The following PIK3R6 variants were observed in gnomAD, a reference collection of about 807,000 sequenced individuals.
The protein encoded by PIK3R6 is phosphoinositide 3-kinase regulatory subunit 6.
In PIK3R6, 91 loss-of-function variants were observed where a neutral mutation model predicts 84.9. That is an observed-to-expected ratio of 1.07 (90% CI 0.90 to 1.28). The LOEUF is 1.28. Ranked by LOEUF, PIK3R6 falls within the 50% of genes most tolerant of loss-of-function variation. The probability of loss-of-function intolerance (pLI) is 0.00; values close to 1 mark genes in which losing one functional copy is unlikely to be tolerated. For synonymous variants in PIK3R6, 416 were observed against 411.4 expected, an observed-to-expected ratio of 1.01 and a Z score of -0.13; for missense variants, 996 against 985.1, an observed-to-expected ratio of 1.01 and a Z score of -0.15.
At chr17:8,816,698 T>A (rs987762000) in intron 18 of PIK3R6, among the ~76,000 whole-genome samples, 2 of 152,156 alleles carry the variant, frequency 1.3e-5, no homozygotes, top group East Asian at 3.8e-4. Context: ...ATTTCACTAA[T>A]TGGTAATAAA....
chr17:8,822,903 G>C, intron 15 of PIK3R6, 93 bp downstream of exon 15: 1 of 1,102,840 alleles, frequency 9.1e-7, no homozygotes, highest in African/African-American at 1.5e-5. Context: ...GAGGGTGTGG[G>C]CGTGCAGGCA....
At chr17:8,851,143 G>A (rs1427017048) in intron 1 of PIK3R6, among the ~76,000 whole-genome samples, 3 of 150,554 alleles carry the variant, frequency 2.0e-5, no homozygotes, top group Non-Finnish European at 3.0e-5. Flanking sequence ...AATGGATCAC[G>A]CACTTCACAC....
In PIK3R6 at chr17:8,839,488, G is replaced by T. The variant is rs1475452712; in HGVS notation, c.97+126C>A. The stretch of plus-strand genomic sequence containing the variant: ...CTCTAGGTATTTCCAGCAGGAAAGG[G>T]GTTTGGTGAGACGACCCTTGCCCCC... On this transcript the variant is annotated intron_variant, in intron 3 of 19. Coordinates refer to ENST00000619866, the MANE Select transcript of PIK3R6 (RefSeq NM_001010855.4). This position sits in a 1 kb window ranked among gnomAD's most constrained non-coding sequence, Gnocchi z 4.2. The T allele has an allele frequency of 4.6e-6, 3 of 654,678 alleles. No homozygotes were observed. The highest frequency in any genetic ancestry group is 5.1e-6 in the Non-Finnish European group (2 of 389,138). 40.6% of individuals were successfully genotyped at this position (654,678 alleles called of 1,614,324 possible). A position where few individuals can be genotyped will look rare whatever the true frequency, so the allele number is the denominator to read the frequency against.
rs2087795212 is a variant in PIK3R6, at chr17:8,823,086, T to A, written c.1627A>T (p.Ile543Phe). ...TCTTGGCTCAGGTCACTGAAAAAGA[T>A]CTGGAGAGAGGAAGGGAGGGTGGCA... Reference protein sequence around the residue: ...PIYFQIYTVKIFFSDLSQDPT... With the variant: ...PIYFQIYTVKFFFSDLSQDPT... Residue 543 changes from isoleucine to phenylalanine, a missense_variant and splice_region_variant, in exon 15 of 20, where the codon ATC becomes TTC. Physicochemically the swap from Ile to Phe is conservative, Grantham distance 21. Coordinates refer to ENST00000619866, the MANE Select transcript of PIK3R6 (RefSeq NM_001010855.4). The A allele has an allele frequency of 6.3e-7, 1 of 1,593,170 alleles. No homozygotes were observed. The highest frequency in any genetic ancestry group is 1.3e-5 in the African/African-American group (1 of 74,348).
At position 8,862,314 on chromosome 17, in the gene PIK3R6, C is replaced by T. The variant is rs1406293317; in HGVS notation, c.-92+5215G>A. Among the ~76,000 whole-genome samples, 1 of 152,132 alleles carries T rather than the reference C, an allele frequency of 6.6e-6. No individual in the cohort carries two copies. The highest frequency in any genetic ancestry group is 2.4e-5 in the African/African-American group (1 of 41,418). ...ATGGAAGGCCCTTGATAAATATGCT[C>T]GAATGAATGAATGTCAGGCACTCAT... On this transcript the variant is annotated intron_variant, in intron 1 of 19. Coordinates refer to ENST00000619866, the MANE Select transcript of PIK3R6 (RefSeq NM_001010855.4). This position sits in a 1 kb window ranked among gnomAD's most constrained non-coding sequence, Gnocchi z 4.3.
intron 1 of PIK3R6, among the ~76,000 whole-genome samples, chr17:8,863,518 C>T (rs2089328790): frequency 6.6e-6 from 1 of 152,044 alleles, no homozygotes; most frequent in African/African-American, 2.4e-5. Context: ...CCTATTTCCC[C>T]CAACCCCCAA....
chr17:8,848,429 TG>T (rs1381049386), intron 2 of PIK3R6, among the ~76,000 whole-genome samples: 5 of 151,490 alleles, frequency 3.3e-5, no homozygotes, highest in Non-Finnish European at 7.3e-5. Context: ...ATTTCATCAT[TG>T]TATGAATATC....
At chr17:8,841,056 C>T (rs1167309642) in intron 2 of PIK3R6, among the ~76,000 whole-genome samples, 1 of 152,072 alleles carries the variant, frequency 6.6e-6, no homozygotes, top group Non-Finnish European at 1.5e-5. Flanking sequence ...CAAGCCTTTG[C>T]CATTATTTTT....
rs752481393 is a variant in PIK3R6, at chr17:8,836,631, A to C, written c.392-15T>G. 3.1e-6 allele frequency: 5 copies of C among 1,613,874 alleles called. No homozygotes were observed. Among genetic ancestry groups the C allele is most frequent in the African/African-American group, 2.7e-5 (2 of 74,996 alleles). On this transcript the variant is annotated splice_polypyrimidine_tract_variant and intron_variant, in intron 6 of 19. Coordinates refer to ENST00000619866, the MANE Select transcript of PIK3R6 (RefSeq NM_001010855.4). The stretch of plus-strand genomic sequence containing the variant: ...GTACAGTGTCCCTGCAAACCAGACC[A>C]CTTTGGCCAAACAGCCCCCAAGTCT...
At chr17:8,866,255 G>C (rs1322662479) in intron 1 of PIK3R6, among the ~76,000 whole-genome samples, 1 of 152,092 alleles carries the variant, frequency 6.6e-6, no homozygotes, top group Non-Finnish European at 1.5e-5. Flanking sequence ...TAAATGGACC[G>C]GGCCAGGCGC....
chr17:8,814,678 A>C lies in PIK3R6; in HGVS notation c.1995+4405T>G, dbSNP rs563325144. On this transcript the variant is annotated intron_variant, in intron 18 of 19. Transcript: ENST00000619866. The stretch of plus-strand genomic sequence containing the variant: ...AAAAAGATGAGAAAATTAGAGCATT[A>C]ATTTAGGAGGTCAAACATCCTACTA... 2.0e-5 allele frequency among the ~76,000 whole-genome samples: 3 copies of C among 152,362 alleles called. No individual in the cohort carries two copies. In the East Asian group the frequency reaches 5.8e-4, roughly 29 times the overall value.
intron 4 of PIK3R6, among the ~76,000 whole-genome samples, chr17:8,838,075 G>A (rs753856081): frequency 4.6e-5 from 7 of 151,910 alleles, no homozygotes; most frequent in Admixed American, 2.0e-4. Flanking sequence ...GTGTGGGAGC[G>A]TGGGGGGGCC....
intron 1 of PIK3R6, among the ~76,000 whole-genome samples, chr17:8,855,714 G>T (rs2089121035): frequency 6.6e-6 from 1 of 152,198 alleles, no homozygotes; most frequent in African/African-American, 2.4e-5. Flanking sequence ...AGGAGGAATT[G>T]GAATTCTCAT....
intron 9 of PIK3R6, among the ~76,000 whole-genome samples, chr17:8,832,031 G>A (rs1238456628): frequency 6.6e-6 from 1 of 152,190 alleles, no homozygotes; most frequent in East Asian, 1.9e-4. Context: ...TATAAACGAT[G>A]TTGACTCATC....
chr17:8,805,146 AG>A (rs1266457509), intron 18 of PIK3R6, among the ~76,000 whole-genome samples: 1 of 152,170 alleles, frequency 6.6e-6, no homozygotes, highest in Non-Finnish European at 1.5e-5. Flanking sequence ...CACTGGGAGG[AG>A]GGTAAGAGCA....
intron 18 of PIK3R6, among the ~76,000 whole-genome samples, chr17:8,804,708 C>G (rs1377275079): frequency 6.6e-6 from 1 of 152,124 alleles, no homozygotes; most frequent in African/African-American, 2.4e-5. Context: ...CCAGAGAGGT[C>G]GCCTCCCATT....
At chr17:8,857,239 A>G (rs1346153572) in intron 1 of PIK3R6, among the ~76,000 whole-genome samples, 1 of 152,190 alleles carries the variant, frequency 6.6e-6, no homozygotes, top group Non-Finnish European at 1.5e-5. Flanking sequence ...TCACTGCAGC[A>G]TGTCCAGCAT....
Position 8,839,527 on chromosome 17 carries a change from G to T in PIK3R6, c.97+87C>A. The T allele has an allele frequency of 1.9e-6, 2 of 1,079,122 alleles. No homozygotes were observed. The highest frequency in any genetic ancestry group is 2.7e-6 in the Non-Finnish European group (2 of 747,518). The allele number at this position is 1,079,122 out of a possible 1,614,324, so 66.8% of individuals were successfully genotyped here. A position where few individuals can be genotyped will look rare whatever the true frequency, so the allele number is the denominator to read the frequency against. ...ACCCTTGCCCCCTGAGCTCCAGGCC[G>T]GGGCTCTTTCCTGTATGCGCGTGTA... On this transcript the variant is annotated intron_variant, in intron 3 of 19. Coordinates refer to ENST00000619866, the MANE Select transcript of PIK3R6 (RefSeq NM_001010855.4). This position sits in a 1 kb window ranked among gnomAD's most constrained non-coding sequence, Gnocchi z 4.2.
At chr17:8,835,146 T>G in intron 8 of PIK3R6, 127 bp downstream of exon 8, 2 of 1,116,680 alleles carry the variant, frequency 1.8e-6, no homozygotes, top group South Asian at 2.0e-5. Flanking sequence ...CCAAAATGTA[T>G]TAATTTTTGA....
Sources: gnomAD v4.1 joint callset for allele counts (sites outside exome capture counted in the v4.1 genomes callset) on GRCh38, gnomAD v4.1.1 for gene constraint, Gnocchi (gnomAD v3.1) non-coding constraint, MANE v1.5 for transcripts, NCBI Gene and HGNC (gene_info 2026-07-23, HGNC 2026-07-21) for gene names.